CDH10: variants seen among roughly 807,000 people sequenced by gnomAD.
CDH10 encodes cadherin 10, also known as cadherin-10.
In CDH10, 30 loss-of-function variants were observed where a neutral mutation model predicts 73.1. That is an observed-to-expected ratio of 0.41 (90% CI 0.31 to 0.56). The LOEUF (loss-of-function observed/expected upper bound fraction) is 0.56, where lower values mean the gene tolerates loss of function less well. Among genes scored for constraint, CDH10 ranks in the 20% least tolerant of loss-of-function variants. The pLI is 0.27. For synonymous variants in CDH10, 345 were observed against 348.2 expected (o/e 0.99, Z 0.10); for missense variants, 815 against 973.7 (o/e 0.84, Z 2.17).
chr5:24,635,301 C>A (rs368744248), intron 1 of CDH10, among the ~76,000 whole-genome samples: 24 of 152,046 alleles, frequency 1.6e-4, no homozygotes, highest in African/African-American at 5.8e-4. Flanking sequence ...ATTCTCATTA[C>A]TCTGACCTCA....
chr5:24,492,855 G>T lies in CDH10; in HGVS notation c.1586C>A (p.Ala529Asp). Residue 529 changes from alanine to aspartate, a missense_variant, in exon 10 of 12, where the codon GCT (alanine) becomes GAT (aspartate). Around this residue, in one of 3 missense-constraint regions of CDH10, gnomAD observed 516 missense variants for 636.6 expected, o/e 0.81. Coordinates refer to ENST00000264463, the MANE Select transcript of CDH10 (RefSeq NM_006727.5). ...LGGQKFFFSL[A>D]AVNPNFTVQD... The stretch of plus-strand genomic sequence containing the variant: ...TACTGTGAAGTTTGGATTGACAGCA[G>T]CTAAACTGAAAAAAAATTTCTGTCC... The T allele has an allele frequency of 6.4e-7, 1 of 1,574,144 alleles. No homozygotes were observed. Among genetic ancestry groups the T allele is most frequent in the Non-Finnish European group, 8.7e-7 (1 of 1,143,990 alleles).
intron 1 of CDH10, among the ~76,000 whole-genome samples, chr5:24,620,019 A>C (rs777219304): frequency 6.6e-6 from 1 of 152,234 alleles, no homozygotes; most frequent in Non-Finnish European, 1.5e-5. Context: ...GTTTGTTCAC[A>C]AAAAGAAATA....
intron 2 of CDH10, chr5:24,554,044 G>A (rs1182672414): frequency 3.5e-5 from 5 of 143,980 alleles, no homozygotes; most frequent in South Asian, 2.2e-4. Context: ...GAGAGCAGGC[G>A]TGAAAGAGCA....
intron 2 of CDH10, among the ~76,000 whole-genome samples, chr5:24,544,616 T>A (rs1444280096): frequency 6.6e-6 from 1 of 152,168 alleles, no homozygotes; most frequent in Non-Finnish European, 1.5e-5. Context: ...TCCCATTTAG[T>A]CTTCCAAGTC....
At chr5:24,553,375 A>G (rs979523784) in intron 2 of CDH10, among the ~76,000 whole-genome samples, 1 of 151,938 alleles carries the variant, frequency 6.6e-6, no homozygotes, top group African/African-American at 2.4e-5. Context: ...CAGTCTATAA[A>G]TTGTTCATTG....
intron 1 of CDH10, among the ~76,000 whole-genome samples, chr5:24,593,875 T>C (rs1227539575): frequency 6.6e-6 from 1 of 151,918 alleles, no homozygotes; most frequent in East Asian, 1.9e-4. Context: ...TTTTGGCACT[T>C]TAACAGTTTT....
intron 2 of CDH10, among the ~76,000 whole-genome samples, chr5:24,586,922 G>A (rs1013171159): frequency 7.3e-6 from 1 of 137,034 alleles, no homozygotes; most frequent in Non-Finnish European, 1.5e-5. Flanking sequence ...TCTGCTCACT[G>A]CAAGCTCCGC....
intron 5 of CDH10, among the ~76,000 whole-genome samples, chr5:24,513,753 CTACCATCTTAT>C (rs1361616796): frequency 3.3e-5 from 5 of 152,140 alleles, no homozygotes; most frequent in Non-Finnish European, 7.4e-5. Flanking sequence ...CATTACTTTG[CTACCATCTTAT>C]TGGTTCTCTT....
intron 8 of CDH10, among the ~76,000 whole-genome samples, chr5:24,504,712 G>GA (rs1742638707): frequency 6.6e-6 from 1 of 151,544 alleles, no homozygotes; most frequent in Non-Finnish European, 1.5e-5. Flanking sequence ...TTTTAGTAGA[G>GA]ACGGGGTTTC....
intron 2 of CDH10, among the ~76,000 whole-genome samples, chr5:24,545,006 CTTAAG>C (rs1205866265): frequency 6.6e-6 from 1 of 152,064 alleles, no homozygotes; most frequent in Non-Finnish European, 1.5e-5. Context: ...AATTTAAGTA[CTTAAG>C]TTAACGAACC....
intron 2 of CDH10, among the ~76,000 whole-genome samples, chr5:24,542,710 G>A (rs932568131): frequency 6.6e-6 from 1 of 152,200 alleles, no homozygotes; most frequent in East Asian, 1.9e-4. Flanking sequence ...AGACTGGGAA[G>A]TCCAAGACCA....
At chr5:24,556,278 C>T (rs1436004181) in intron 2 of CDH10, among the ~76,000 whole-genome samples, 1 of 151,950 alleles carries the variant, frequency 6.6e-6, no homozygotes, top group African/African-American at 2.4e-5. Context: ...CTAATCTATA[C>T]TTAATTCATT....
chr5:24,569,001 T>C (rs1745266516), intron 2 of CDH10, among the ~76,000 whole-genome samples: 1 of 151,580 alleles, frequency 6.6e-6, no homozygotes, highest in Non-Finnish European at 1.5e-5. Flanking sequence ...TCCCAGCTAC[T>C]CGGGAGGCTC....
chr5:24,527,869 T>C (rs1230761685), intron 5 of CDH10, among the ~76,000 whole-genome samples: 7 of 151,960 alleles, frequency 4.6e-5, no homozygotes, highest in Non-Finnish European at 8.8e-5. Flanking sequence ...TGTGTACGTG[T>C]GTCTGTGTGT....
rs531271844 is a variant in CDH10 at position 24,506,839 on chromosome 5, T to C, written c.1257-1591A>G. Among the ~76,000 whole-genome samples the C allele has an allele frequency of 4.6e-5, 7 of 152,340 alleles. No homozygotes were observed. In the East Asian group the frequency reaches 9.6e-4, roughly 21 times the overall value. On this transcript the variant is annotated intron_variant, in intron 7 of 11. Coordinates refer to ENST00000264463, the MANE Select transcript of CDH10 (RefSeq NM_006727.5). ...TATAAATCAATAAAAGCGTCTGCTG[T>C]CATGCATCACTGATTTTGCTAAATC...
intron 1 of CDH10, among the ~76,000 whole-genome samples, chr5:24,640,864 C>G (rs1272183147): frequency 6.6e-6 from 1 of 151,688 alleles, no homozygotes; most frequent in Non-Finnish European, 1.5e-5. Context: ...TATAAAGAAA[C>G]TGATGAAAAT....
chr5:24,622,323 T>C (rs1277184684), intron 1 of CDH10, among the ~76,000 whole-genome samples: 1 of 152,090 alleles, frequency 6.6e-6, no homozygotes, highest in African/African-American at 2.4e-5. Flanking sequence ...ATCAAGAATA[T>C]ATCTGATCGC....
chr5:24,491,890 C>A (rs1742067459), intron 10 of CDH10, 63 bp from the exon 11 acceptor site: 1 of 1,002,914 alleles, frequency 1.0e-6, no homozygotes. Flanking sequence ...AATGTGATCA[C>A]CAAGGTTTAA....
chr5:24,568,850 ACTTGTAATC>A (rs1185222228), intron 2 of CDH10, among the ~76,000 whole-genome samples: 1 of 152,072 alleles, frequency 6.6e-6, no homozygotes. Flanking sequence ...GGTGGTTCAC[ACTTGTAATC>A]CCAGCACTTT....
Sources: gnomAD v4.1 joint callset for allele counts (sites outside exome capture counted in the v4.1 genomes callset) on GRCh38, gnomAD v4.1.1 for gene constraint, gnomAD v4.1.1 regional missense constraint, MANE v1.5 for transcripts, NCBI Gene and HGNC (gene_info 2026-07-23, HGNC 2026-07-21) for gene names.